Variants in UBR3 observed in about 807,000 individuals in gnomAD.
The protein encoded by UBR3 is ubiquitin protein ligase E3 component n-recognin 3, also known as E3 ubiquitin-protein ligase UBR3.
Under a neutral mutation model 243.2 loss-of-function variants are expected in UBR3, and 85 were observed. That is an observed-to-expected ratio of 0.35 (90% CI 0.29 to 0.42). The LOEUF (loss-of-function observed/expected upper bound fraction) is 0.42. Among genes scored for constraint, UBR3 ranks in the 10% least tolerant of loss-of-function variants. The pLI, the probability that UBR3 is intolerant of heterozygous loss-of-function variation, is 1.00. For missense variants in UBR3, 1,686 were observed against 2,300.8 expected (o/e 0.73, Z 5.47); for synonymous variants, 748 against 799.8 (o/e 0.94, Z 1.09).
chr2:169,924,620 A>T (rs895781283), intron 13 of UBR3, among the ~76,000 whole-genome samples: 5 of 152,220 alleles, frequency 3.3e-5, no homozygotes, highest in African/African-American at 1.2e-4. Flanking sequence ...GTAATTTGAC[A>T]GGCCAGCTTT....
At chr2:170,066,849 A>G (rs972866058) in intron 35 of UBR3, among the ~76,000 whole-genome samples, 10 of 152,042 alleles carry the variant, frequency 6.6e-5, no homozygotes, top group African/African-American at 2.4e-4. Context: ...CTGTAGTCCC[A>G]GCTACTTGGG....
In UBR3 at chr2:169,934,940, G is replaced by T. The variant is rs12614040; in HGVS notation, c.2663+1932G>T. Among the ~76,000 whole-genome samples, 579 of 152,194 alleles carry T rather than the reference G, an allele frequency of 3.8e-3. 10 individuals carry two copies. The East Asian group carries it at 0.067, about 18-fold the overall frequency. ...TGGGCCATCACTGGAAGACAGAGTT[G>T]GGCAACAGCAAGAAGAGGCTTAAGC... is the stretch of plus-strand genomic sequence containing the variant. On this transcript the variant is annotated intron_variant, in intron 19 of 38. Coordinates refer to ENST00000272793, the MANE Select transcript of UBR3 (RefSeq NM_172070.4).
intron 11 of UBR3, among the ~76,000 whole-genome samples, chr2:169,922,780 T>C (rs539643719): frequency 1.3e-5 from 2 of 152,062 alleles, no homozygotes; most frequent in East Asian, 1.9e-4. Flanking sequence ...TGTTAGACTT[T>C]CCTTTCTTTT....
chr2:169,849,250 A>G (rs140165555), intron 1 of UBR3, among the ~76,000 whole-genome samples: 274 of 152,332 alleles, frequency 1.8e-3, no homozygotes, highest in African/African-American at 6.3e-3. Flanking sequence ...AATGAACACA[A>G]TAAGGTCAAC....
intron 35 of UBR3, among the ~76,000 whole-genome samples, chr2:170,072,330 C>A (rs2091715878): frequency 6.6e-6 from 1 of 151,710 alleles, no homozygotes; most frequent in Non-Finnish European, 1.5e-5. Flanking sequence ...GAACAAAAAA[C>A]CAAACACCGC....
At chr2:170,050,108 G>T (rs992221910) in intron 32 of UBR3, among the ~76,000 whole-genome samples, 6 of 152,108 alleles carry the variant, frequency 3.9e-5, no homozygotes, top group Non-Finnish European at 7.4e-5. Context: ...GACGGACTTG[G>T]TATCTTTTCT....
chr2:169,946,596 G>C (rs1179280552), intron 21 of UBR3, among the ~76,000 whole-genome samples: 1 of 151,966 alleles, frequency 6.6e-6, no homozygotes, highest in East Asian at 1.9e-4. Context: ...GGCCCTTTGG[G>C]ATCTTCAAAT....
chr2:169,951,209 T>G (rs1388366387), intron 23 of UBR3, among the ~76,000 whole-genome samples: 1 of 152,220 alleles, frequency 6.6e-6, no homozygotes, highest in Non-Finnish European at 1.5e-5. Context: ...CAGAGTTATC[T>G]GGACTACTGT....
intron 10 of UBR3, among the ~76,000 whole-genome samples, chr2:169,908,821 CTTTTT>C (rs11388865): frequency 3.2e-5 from 4 of 124,036 alleles, no homozygotes; most frequent in Non-Finnish European, 5.0e-5. Flanking sequence ...GTGATTGGTC[CTTTTT>C]TTTTTTTTTT....
chr2:169,844,762 C>T (rs1049761590), intron 1 of UBR3, among the ~76,000 whole-genome samples: 3 of 152,168 alleles, frequency 2.0e-5, no homozygotes, highest in African/African-American at 7.2e-5. Context: ...TCTCAAAGTG[C>T]TGGGATTACA....
chr2:170,003,113 A>G (rs1481761633), intron 27 of UBR3, among the ~76,000 whole-genome samples: 3 of 152,004 alleles, frequency 2.0e-5, no homozygotes, highest in African/African-American at 7.2e-5. Flanking sequence ...TCTAAATCTC[A>G]CTTGACTATA....
chr2:170,031,431 G>T (rs1358952620), intron 31 of UBR3, among the ~76,000 whole-genome samples: 1 of 151,712 alleles, frequency 6.6e-6, no homozygotes, highest in African/African-American at 2.4e-5. Flanking sequence ...AGTTAAACAC[G>T]CCTTCCTCTA....
intron 30 of UBR3, among the ~76,000 whole-genome samples, chr2:170,021,574 G>C (rs904829446): frequency 1.3e-5 from 2 of 151,988 alleles, no homozygotes; most frequent in African/African-American, 4.8e-5. Context: ...CTAACCTTGG[G>C]GTTAGGACTT....
intron 36 of UBR3, among the ~76,000 whole-genome samples, chr2:170,076,895 A>C (rs1331866490): frequency 1.3e-5 from 2 of 152,110 alleles, no homozygotes; most frequent in African/African-American, 4.8e-5. Flanking sequence ...AAGTTCCAAA[A>C]TATTGCTCTA....
chr2:169,951,450 C>T (rs1314252849), intron 23 of UBR3, among the ~76,000 whole-genome samples: 1 of 152,080 alleles, frequency 6.6e-6, no homozygotes, highest in Non-Finnish European at 1.5e-5. Flanking sequence ...GTTGGACTTC[C>T]TGACCTCGAG....
At chr2:169,985,375 C>T (rs151200671) in intron 24 of UBR3, among the ~76,000 whole-genome samples, 276 of 152,020 alleles carry the variant, frequency 1.8e-3, no homozygotes, top group African/African-American at 6.3e-3. Flanking sequence ...ATTACAGGTG[C>T]CTGCCACCAT....
At chr2:170,036,211 A>C (rs1350546913) in intron 31 of UBR3, among the ~76,000 whole-genome samples, 1 of 152,064 alleles carries the variant, frequency 6.6e-6, no homozygotes, top group East Asian at 1.9e-4. Flanking sequence ...TGATGTTGAA[A>C]AGAAGTGGGG....
chr2:169,832,162 G>A (rs2081960843), intron 1 of UBR3, among the ~76,000 whole-genome samples: 1 of 152,218 alleles, frequency 6.6e-6, no homozygotes, highest in South Asian at 2.1e-4. Context: ...TATAATCAAT[G>A]TGGCAGTATT....
rs189077968 is a variant in UBR3 at position 169,916,268 on chromosome 2, T to A, written c.1866+2122T>A. Among the ~76,000 whole-genome samples, 5 of 152,298 alleles carry A rather than the reference T, an allele frequency of 3.3e-5. No individual in the cohort carries two copies. In the East Asian group the frequency reaches 9.6e-4, roughly 29 times the overall value. Reference sequence around the variant, plus strand: ...ACTGTAGGAGTTATTCTAGTTTTCTTCAACAGTGGGAAACCTGGCTTCCAT... The same window carrying A: ...ACTGTAGGAGTTATTCTAGTTTTCTACAACAGTGGGAAACCTGGCTTCCAT... On this transcript the variant is annotated intron_variant, in intron 11 of 38. Transcript: ENST00000272793.
Sources: gnomAD v4.1 joint callset for allele counts (sites outside exome capture counted in the v4.1 genomes callset) on GRCh38, gnomAD v4.1.1 for gene constraint, MANE v1.5 for transcripts, NCBI Gene and HGNC (gene_info 2026-07-23, HGNC 2026-07-21) for gene names.